MRPS21: variants seen among roughly 807,000 people sequenced by gnomAD.
The protein encoded by MRPS21 is small ribosomal subunit protein bS21m.
Under a neutral mutation model 9.9 loss-of-function variants are expected in MRPS21, and 8 were observed. The observed-to-expected ratio is 0.81, with a 90% CI of 0.47 to 1.45. The LOEUF (loss-of-function observed/expected upper bound fraction) is 1.45. Ranked by LOEUF, MRPS21 falls within the 40% of genes most tolerant of loss-of-function variation. The pLI, the probability that MRPS21 is intolerant of heterozygous loss-of-function variation, is 0.00. For missense variants in MRPS21, 101 were observed against 118.9 expected, an observed-to-expected ratio of 0.85 and a Z score of 0.70; for synonymous variants, 40 against 40.3, an observed-to-expected ratio of 0.99 and a Z score of 0.03.
At chr1:150,301,747 A>C (rs189804661) in intron 2 of MRPS21, among the ~76,000 whole-genome samples, 1,597 of 151,668 alleles carry the variant, frequency 0.011, 19 homozygotes, top group Non-Finnish European at 0.011. Context: ...CTGGGATTAC[A>C]GGCACCTGCC....
chr1:150,294,420 C>T lies in MRPS21; in HGVS notation c.54C>T (p.Asn18=). ...IARTVMVQEG[N]VESAYRTLNR... is the part of the protein sequence containing the mutation. ...GGACTGTGATGGTACAGGAAGGGAA[C>T]GTGGAAAGCGCATACAGGACCCTAA... Residue 18 remains asparagine (N), a synonymous_variant, in exon 2 of 3, where the codon AAC becomes AAT. Transcript: ENST00000614145. 6.2e-7 allele frequency: 1 copy of T among 1,613,598 alleles called. No homozygotes were observed. The highest frequency in any genetic ancestry group is 1.1e-5 in the South Asian group (1 of 91,070).
Position 150,299,348 on chromosome 1 carries a change from C to T in MRPS21, c.83+4899C>T, listed in dbSNP as rs587704982. Among the ~76,000 whole-genome samples the T allele has an allele frequency of 6.6e-5, 10 of 151,974 alleles. No individual in the cohort carries two copies. The South Asian group carries it at 1.5e-3, about 22-fold the overall frequency. ...TTCTTTGTCTAAGATTGTCTATACC[C>T]CTTTTTATCTGCCTCTTTTAAAAAT... On this transcript the variant is annotated intron_variant, in intron 2 of 2. Coordinates refer to ENST00000614145, the MANE Select transcript of MRPS21 (RefSeq NM_031901.6).
rs587625530 is a variant in MRPS21, at chr1:150,307,916, G to C, written c.84-132G>C. ...AGGCCTTTGTAAGTAGGCAGTTAAT[G>C]CTCTATTGCCACCATTTCCCACTGT... is the stretch of plus-strand genomic sequence containing the variant. On this transcript the variant is annotated intron_variant, in intron 2 of 2. Transcript: ENST00000614145. 7.5e-5 allele frequency: 66 copies of C among 875,462 alleles called. No individual in the cohort carries two copies. The South Asian group carries it at 1.7e-3, about 22-fold the overall frequency. 54.2% of individuals were successfully genotyped at this position (875,462 alleles called of 1,614,324 possible). A position where few individuals can be genotyped will look rare whatever the true frequency, so the allele number is the denominator to read the frequency against.
chr1:150,301,779 G>A (rs1553857738), intron 2 of MRPS21, among the ~76,000 whole-genome samples: 1 of 151,776 alleles, frequency 6.6e-6, no homozygotes, highest in Admixed American at 6.6e-5. Flanking sequence ...CTAATTTTTT[G>A]TAGTAGAGAC....
At chr1:150,304,996 G>A (rs932209454) in intron 2 of MRPS21, 68 of 386,822 alleles carry the variant, frequency 1.8e-4, no homozygotes, top group Non-Finnish European at 2.6e-4. Context: ...CCAAGATTGC[G>A]CCATTGCACT....
At chr1:150,303,976 C>G in intron 2 of MRPS21, 1 of 453,872 alleles carries the variant, frequency 2.2e-6, no homozygotes, top group Non-Finnish European at 4.4e-6. Flanking sequence ...AAGACACAAC[C>G]CAATGAGGGG....
chr1:150,300,476 C>T (rs1273793464), intron 2 of MRPS21, among the ~76,000 whole-genome samples: 1 of 152,090 alleles, frequency 6.6e-6, no homozygotes, highest in Non-Finnish European at 1.5e-5. Flanking sequence ...CATAAATGTT[C>T]CTTTATCTTT....
In MRPS21 at chr1:150,294,396, G is replaced by T; in HGVS notation, c.30G>T (p.Arg10Ser). The T allele has an allele frequency of 6.2e-7, 1 of 1,613,750 alleles. No individual in the cohort carries two copies. Among genetic ancestry groups the T allele is most frequent in the South Asian group, 1.1e-5 (1 of 91,058 alleles). The change falls in exon 2 of 3, where the codon AGG (arginine) becomes AGT (serine). Residue 10 changes from arginine (R) to serine (S), a missense_variant. Physicochemically the swap from Arg to Ser is moderately radical, Grantham distance 110. Transcript: ENST00000614145. ...CAAAACATCTGAAGTTCATCGCCAG[G>T]ACTGTGATGGTACAGGAAGGGAACG... MAKHLKFIARTVMVQEGNVE... is the reference protein window; with the variant it reads MAKHLKFIASTVMVQEGNVE...
chr1:150,305,085 A>AGTGT, intron 2 of MRPS21: 1 of 297,486 alleles, frequency 3.4e-6, no homozygotes, highest in Non-Finnish European at 6.5e-6. Flanking sequence ...GCTGGAGTGC[A>AGTGT]GTGCCACAAT....
At chr1:150,296,865 CCT>C (rs1362720375) in intron 2 of MRPS21, among the ~76,000 whole-genome samples, 8 of 152,020 alleles carry the variant, frequency 5.3e-5, no homozygotes, top group Non-Finnish European at 8.8e-5. Flanking sequence ...AAACCAGAAT[CCT>C]CATCTGATTG....
intron 2 of MRPS21, among the ~76,000 whole-genome samples, chr1:150,302,365 T>C (rs782722026): frequency 3.9e-5 from 6 of 151,976 alleles, no homozygotes; most frequent in Non-Finnish European, 8.8e-5. Context: ...TGGGGGTTGC[T>C]AGGAAGCCCT....
rs1654435049 is a variant in MRPS21 at position 150,308,486 on chromosome 1, AG to A, written c.*260del. The stretch of plus-strand genomic sequence containing the variant: ...CCAGGGACTGGAGGAGGGGGCAGTG[AG>A]GAGTTATTGTTTAATGGGTACAGAG... On this transcript the variant is annotated 3_prime_UTR_variant, in exon 3 of 3. Transcript: ENST00000614145. 1 of 345,804 alleles carries A rather than the reference AG, an allele frequency of 2.9e-6. No homozygotes were observed. Among genetic ancestry groups the A allele is most frequent in the Admixed American group, 3.9e-5 (1 of 25,318 alleles). 21.4% of individuals were successfully genotyped at this position (345,804 alleles called of 1,614,324 possible). A position where few individuals can be genotyped will look rare whatever the true frequency, so the allele number is the denominator to read the frequency against.
chr1:150,307,701 C>T (rs587730012), intron 2 of MRPS21, among the ~76,000 whole-genome samples: 20 of 152,276 alleles, frequency 1.3e-4, no homozygotes, highest in Middle Eastern at 3.4e-3. Flanking sequence ...ACCTCAGCCT[C>T]GTGAGTCGCT....
At chr1:150,302,935 T>C (rs1654201390) in intron 2 of MRPS21, among the ~76,000 whole-genome samples, 1 of 152,174 alleles carries the variant, frequency 6.6e-6, no homozygotes, top group Non-Finnish European at 1.5e-5. Flanking sequence ...GTTTTGGAAG[T>C]AAGTAGTACA....
chr1:150,304,330 C>G (rs1032368010), intron 2 of MRPS21: 15 of 217,586 alleles, frequency 6.9e-5, no homozygotes, highest in Non-Finnish European at 1.3e-4. Flanking sequence ...AAAAATGGTG[C>G]CATGGTGTTG....
intron 2 of MRPS21, among the ~76,000 whole-genome samples, chr1:150,307,272 T>A (rs1410367199): frequency 2.0e-5 from 3 of 150,482 alleles, no homozygotes; most frequent in African/African-American, 7.3e-5. Flanking sequence ...GGTCTCGAAC[T>A]CCCGACCTCA....
chr1:150,307,348 C>CTTTTTTTTTTT (rs1572154026), intron 2 of MRPS21, among the ~76,000 whole-genome samples: 8 of 87,550 alleles, frequency 9.1e-5, no homozygotes, highest in Admixed American at 1.4e-4. Flanking sequence ...GTGCCCAGTC[C>CTTTTTTTTTTT]TTTTTTTTTT....
At position 150,299,694 on chromosome 1, in the gene MRPS21, A is replaced by T. The variant is rs1378563165; in HGVS notation, c.83+5245A>T. Among the ~76,000 whole-genome samples, 3 of 151,918 alleles carry T rather than the reference A, an allele frequency of 2.0e-5. No homozygotes were observed. In the East Asian group the frequency reaches 5.8e-4, roughly 29 times the overall value. On this transcript the variant is annotated intron_variant, in intron 2 of 2. Transcript: ENST00000614145. Reference sequence around the variant, plus strand: ...GGTCTCGAACTCCTGACCTCAGGTGATCCACCCGCCTCTGTCTCCCAAAGT... The same window carrying T: ...GGTCTCGAACTCCTGACCTCAGGTGTTCCACCCGCCTCTGTCTCCCAAAGT...
intron 2 of MRPS21, among the ~76,000 whole-genome samples, chr1:150,295,540 G>A (rs911457933): frequency 1.3e-5 from 2 of 152,116 alleles, no homozygotes; most frequent in East Asian, 1.9e-4. Flanking sequence ...GCTAGGAAGC[G>A]GGAACGTAGT....
Sources: gnomAD v4.1 joint callset for allele counts (sites outside exome capture counted in the v4.1 genomes callset) on GRCh38, gnomAD v4.1.1 for gene constraint, MANE v1.5 for transcripts, NCBI Gene and HGNC (gene_info 2026-07-23, HGNC 2026-07-21) for gene names.